Variants in ZFAND6 observed in about 807,000 individuals in gnomAD.
ZFAND6 encodes AN1-type zinc finger protein 6.
Under a neutral mutation model 24.5 loss-of-function variants are expected in ZFAND6, and 12 were observed. The observed-to-expected ratio is 0.49, with a 90% CI of 0.31 to 0.79. The LOEUF is 0.79. Ranked by LOEUF, ZFAND6 falls within the 30% of genes least tolerant of loss-of-function variation. ZFAND6 has a pLI of 0.04. For missense variants in ZFAND6, 207 were observed against 245.9 expected (o/e 0.84, Z 1.06); for synonymous variants, 92 against 81.5 (o/e 1.13, Z -0.69).
At chr15:80,083,412 G>A (rs75287284) in intron 1 of ZFAND6, among the ~76,000 whole-genome samples, 12 of 152,202 alleles carry the variant, frequency 7.9e-5, no homozygotes, top group Non-Finnish European at 1.5e-4. Context: ...CTTATGATAT[G>A]TTGGGGAAAC....
At chr15:80,075,469 T>C (rs2037219981) in intron 1 of ZFAND6, among the ~76,000 whole-genome samples, 1 of 152,036 alleles carries the variant, frequency 6.6e-6, no homozygotes, top group African/African-American at 2.4e-5. Context: ...ATCTTTTTGG[T>C]TTCCTAGGGA....
intron 5 of ZFAND6, among the ~76,000 whole-genome samples, chr15:80,128,102 A>AT (rs1186181913): frequency 6.6e-6 from 1 of 152,218 alleles, no homozygotes; most frequent in Non-Finnish European, 1.5e-5. Context: ...ATGTTGTATG[A>AT]TTTTATTTAT....
intron 2 of ZFAND6, among the ~76,000 whole-genome samples, chr15:80,109,239 A>G (rs61042451): frequency 0.017 from 2,641 of 152,274 alleles, 85 homozygotes; most frequent in African/African-American, 0.059. Context: ...AATGCCTGCC[A>G]TTTACCAAGC....
chr15:80,072,374 A>AC (rs1306247831), intron 1 of ZFAND6, among the ~76,000 whole-genome samples: 2 of 152,066 alleles, frequency 1.3e-5, no homozygotes, highest in African/African-American at 4.8e-5. Context: ...GAAAACTGAA[A>AC]CCTTATGTAC....
At chr15:80,136,854 C>T (rs1403947478) in intron 6 of ZFAND6, among the ~76,000 whole-genome samples, 1 of 152,202 alleles carries the variant, frequency 6.6e-6, no homozygotes, top group Non-Finnish European at 1.5e-5. Flanking sequence ...ACCATATGTT[C>T]AGAATTAAAT....
chr15:80,093,125 T>TTGTG (rs558365973), intron 1 of ZFAND6, among the ~76,000 whole-genome samples: 4 of 150,938 alleles, frequency 2.7e-5, no homozygotes, highest in Non-Finnish European at 5.9e-5. Context: ...CAGCTAATTT[T>TTGTG]TGTGTGTGTG....
intron 1 of ZFAND6, among the ~76,000 whole-genome samples, chr15:80,092,453 C>G (rs1032544321): frequency 2.0e-5 from 3 of 151,904 alleles, no homozygotes; most frequent in Non-Finnish European, 4.4e-5. Flanking sequence ...AAAACAACTG[C>G]GTATCCTCAT....
chr15:80,088,288 C>T (rs564189184), intron 1 of ZFAND6, among the ~76,000 whole-genome samples: 52 of 152,104 alleles, frequency 3.4e-4, no homozygotes, highest in African/African-American at 1.2e-3. Flanking sequence ...AGACTTTGGC[C>T]GAGCACAGTG....
intron 2 of ZFAND6, among the ~76,000 whole-genome samples, chr15:80,101,508 C>G (rs1051955118): frequency 6.6e-6 from 1 of 152,090 alleles, no homozygotes; most frequent in Non-Finnish European, 1.5e-5. Context: ...CTTCCTGTCT[C>G]AATCTGCTGT....
At chr15:80,080,236 A>T (rs1363773783) in intron 1 of ZFAND6, among the ~76,000 whole-genome samples, 1 of 151,884 alleles carries the variant, frequency 6.6e-6, no homozygotes, top group African/African-American at 2.4e-5. Context: ...ACCTCGGGTG[A>T]TCCACCCACT....
intron 1 of ZFAND6, chr15:80,073,241 T>C: frequency 3.7e-6 from 1 of 268,020 alleles, no homozygotes; most frequent in South Asian, 3.2e-5. Flanking sequence ...TCTTACTTCA[T>C]TCAAACTCTT....
chr15:80,079,829 T>A (rs867379033), intron 1 of ZFAND6, among the ~76,000 whole-genome samples: 51 of 151,048 alleles, frequency 3.4e-4, no homozygotes, highest in African/African-American at 1.2e-3. Flanking sequence ...TAATTTTTTG[T>A]ATTTTTAGTA....
chr15:80,080,977 C>T (rs1008587709), intron 1 of ZFAND6, among the ~76,000 whole-genome samples: 3 of 152,142 alleles, frequency 2.0e-5, no homozygotes, highest in South Asian at 2.1e-4. Flanking sequence ...GCCCCACCTC[C>T]GATACTGGGG....
At chr15:80,073,776 A>T (rs1242002766) in intron 1 of ZFAND6, among the ~76,000 whole-genome samples, 2 of 151,854 alleles carry the variant, frequency 1.3e-5, no homozygotes, top group Non-Finnish European at 1.5e-5. Context: ...TCACTTAACT[A>T]TCTGTTGAAA....
chr15:80,119,472 C>CATA (rs1428092366), intron 2 of ZFAND6, among the ~76,000 whole-genome samples: 3 of 151,958 alleles, frequency 2.0e-5, no homozygotes, highest in African/African-American at 7.3e-5. Flanking sequence ...ATATAGTATA[C>CATA]GCATTTCATA....
chr15:80,090,123 C>T (rs2038264122), intron 1 of ZFAND6, among the ~76,000 whole-genome samples: 1 of 152,182 alleles, frequency 6.6e-6, no homozygotes, highest in Admixed American at 6.5e-5. Flanking sequence ...TTATTCAAAT[C>T]ATACTGCTCA....
intron 5 of ZFAND6, among the ~76,000 whole-genome samples, chr15:80,124,606 G>A (rs2040295080): frequency 6.6e-6 from 1 of 152,122 alleles, no homozygotes; most frequent in Non-Finnish European, 1.5e-5. Flanking sequence ...ATTTCCATTT[G>A]TGGTGTATGG....
chr15:80,112,756 CTT>C (rs931113375), intron 2 of ZFAND6: 3 of 455,734 alleles, frequency 6.6e-6, no homozygotes, highest in African/African-American at 6.0e-5. Context: ...CCTCATGTCT[CTT>C]TATTACCCAT....
chr15:80,097,349 T>A (rs968053982), intron 1 of ZFAND6, among the ~76,000 whole-genome samples: 14 of 152,072 alleles, frequency 9.2e-5, no homozygotes, highest in African/African-American at 1.9e-4. Context: ...TAAATTTTTT[T>A]AAAAATTAAA....
Sources: allele counts gnomAD v4.1 joint callset (sites outside exome capture counted in the v4.1 genomes callset), GRCh38; gene constraint gnomAD v4.1.1; transcripts MANE v1.5; gene names NCBI Gene and HGNC (gene_info 2026-07-23, HGNC 2026-07-21).